Variants in CDC42SE2 observed in about 807,000 individuals in gnomAD.
CDC42SE2 encodes CDC42 small effector 2.
Under a neutral mutation model 11.5 loss-of-function variants are expected in CDC42SE2, and 3 were observed. That is an observed-to-expected ratio of 0.26 (90% CI 0.12 to 0.67). CDC42SE2 has a LOEUF of 0.67. Among genes scored for constraint, CDC42SE2 ranks in the 30% least tolerant of loss-of-function variants. The pLI, the probability that CDC42SE2 is intolerant of heterozygous loss-of-function variation, is 0.80. For missense variants in CDC42SE2, 82 were observed against 106.8 expected (o/e 0.77, Z 1.02); for synonymous variants, 33 against 34.8 (o/e 0.95, Z 0.18).
chr5:131,377,760 A>G (rs902070360), intron 3 of CDC42SE2, among the ~76,000 whole-genome samples: 1 of 152,230 alleles, frequency 6.6e-6, no homozygotes, highest in Non-Finnish European at 1.5e-5. Flanking sequence ...AGCACACAGC[A>G]TTTCTATGAA....
At chr5:131,314,887 A>T (rs957471261) in intron 1 of CDC42SE2, among the ~76,000 whole-genome samples, 1 of 152,192 alleles carries the variant, frequency 6.6e-6, no homozygotes, top group Non-Finnish European at 1.5e-5. Context: ...AGCTACCATT[A>T]TTTAAGGTGT....
intron 1 of CDC42SE2, among the ~76,000 whole-genome samples, chr5:131,293,433 G>A (rs767280122): frequency 1.1e-4 from 17 of 152,144 alleles, no homozygotes; most frequent in Non-Finnish European, 2.1e-4. Flanking sequence ...TTAGCTGGAC[G>A]TGGTGGCGGG....
At chr5:131,212,465 G>T in the CDC42SE2 span, among the ~76,000 whole-genome samples, 1 of 152,008 alleles carries the variant, frequency 6.6e-6, no homozygotes, top group Non-Finnish European at 1.5e-5. Flanking sequence ...AAAGTCCCTG[G>T]AACCTTGCTG....
At chr5:131,338,275 G>A (rs115768790) in intron 2 of CDC42SE2, among the ~76,000 whole-genome samples, 28 of 152,232 alleles carry the variant, frequency 1.8e-4, no homozygotes, top group African/African-American at 6.3e-4. Flanking sequence ...CAAACCCTTC[G>A]TAGCATGTCA....
intron 2 of CDC42SE2, among the ~76,000 whole-genome samples, chr5:131,324,757 T>C (rs1442461458): frequency 6.6e-6 from 1 of 152,158 alleles, no homozygotes; most frequent in Admixed American, 6.5e-5. Context: ...TCTCCTTTAG[T>C]ATAAAAAAAT....
the CDC42SE2 span, among the ~76,000 whole-genome samples, chr5:131,224,905 A>G: frequency 6.6e-6 from 1 of 151,870 alleles, no homozygotes; most frequent in Non-Finnish European, 1.5e-5. Context: ...GAGTGAAGGC[A>G]TCAGGCCAGC....
chr5:131,335,636 A>G (rs1263156520), intron 2 of CDC42SE2, among the ~76,000 whole-genome samples: 1 of 152,166 alleles, frequency 6.6e-6, no homozygotes, highest in Non-Finnish European at 1.5e-5. Flanking sequence ...GACTTGCTTT[A>G]TGAATCTGGG....
chr5:131,293,508 G>C lies in CDC42SE2; in HGVS notation c.-454-22468G>C, dbSNP rs1757506013. Among the ~76,000 whole-genome samples, 3 of 150,902 alleles carry C rather than the reference G, an allele frequency of 2.0e-5. No homozygotes were observed. The South Asian group carries it at 6.3e-4, about 31-fold the overall frequency. On this transcript the variant is annotated intron_variant, in intron 1 of 4. Transcript: ENST00000505065. ...AATCGCTTGAACCCGGGAGGCGGAG[G>C]TTGCAGTGAGTGGAGATCAGGCCAC...
At chr5:131,277,359 T>G (rs1046381139) in intron 1 of CDC42SE2, among the ~76,000 whole-genome samples, 2 of 152,210 alleles carry the variant, frequency 1.3e-5, no homozygotes, top group Non-Finnish European at 2.9e-5. Flanking sequence ...ATCAAAGTGG[T>G]CATATTGAGA....
chr5:131,323,559 T>G (rs1448665955), intron 2 of CDC42SE2, among the ~76,000 whole-genome samples: 1 of 138,672 alleles, frequency 7.2e-6, no homozygotes, highest in African/African-American at 2.9e-5. Context: ...TTTTTTTTTT[T>G]TTTTTTTTTT....
At chr5:131,307,492 G>C (rs1355598423) in intron 1 of CDC42SE2, among the ~76,000 whole-genome samples, 1 of 152,070 alleles carries the variant, frequency 6.6e-6, no homozygotes, top group African/African-American at 2.4e-5. Context: ...TTGGTTCCAA[G>C]TCTTTGCTAT....
chr5:131,249,184 T>G (rs1205443786), intron 1 of CDC42SE2, among the ~76,000 whole-genome samples: 1 of 151,752 alleles, frequency 6.6e-6, no homozygotes, highest in East Asian at 1.9e-4. Context: ...CGCCTGGCTG[T>G]TTTTTGTATT....
At chr5:131,242,471 G>T (rs905871890), upstream of CDC42SE2, among the ~76,000 whole-genome samples, 18 of 151,886 alleles carry the variant, frequency 1.2e-4, no homozygotes, top group African/African-American at 4.1e-4. Context: ...TTGCAAGAAG[G>T]TTATCCATTT....
upstream of CDC42SE2, among the ~76,000 whole-genome samples, chr5:131,263,501 G>C (rs1358767545): frequency 6.6e-6 from 1 of 152,200 alleles, no homozygotes; most frequent in Non-Finnish European, 1.5e-5. Flanking sequence ...AAACCAGGTG[G>C]TTTAGCCAGC....
rs1395132219 is a variant in CDC42SE2 at position 131,385,255 on chromosome 5, GT to G, written c.55-282del. ...CTGAGGGTAATTTTACATTTGTCTC[GT>G]TTTTTAAAAAGAATAAAACTTAAGC... On this transcript the variant is annotated intron_variant, in intron 3 of 4. Coordinates refer to ENST00000505065, the MANE Select transcript of CDC42SE2 (RefSeq NM_001375635.1). Among the ~76,000 whole-genome samples, 3 of 152,252 alleles carry G rather than the reference GT, an allele frequency of 2.0e-5. No homozygotes were observed. The East Asian group carries it at 5.8e-4, about 29-fold the overall frequency.
intron 1 of CDC42SE2, among the ~76,000 whole-genome samples, chr5:131,270,129 C>A (rs1756962284): frequency 6.6e-6 from 1 of 150,788 alleles, no homozygotes. Flanking sequence ...AATCCCAGCA[C>A]TTTGGGAGGC....
At chr5:131,257,578 A>G (rs1756688329) in intron 2 of CDC42SE2, among the ~76,000 whole-genome samples, 1 of 151,668 alleles carries the variant, frequency 6.6e-6, no homozygotes, top group Admixed American at 6.6e-5. Context: ...CCCAGGTTCA[A>G]GCGATTCTCC....
intron 1 of CDC42SE2, among the ~76,000 whole-genome samples, chr5:131,301,629 G>A (rs1757684779): frequency 1.3e-5 from 2 of 151,710 alleles, no homozygotes; most frequent in African/African-American, 2.4e-5. Flanking sequence ...GTGGTGGCGC[G>A]TGCCTGTAAT....
At chr5:131,336,960 T>C (rs1758581108) in intron 2 of CDC42SE2, among the ~76,000 whole-genome samples, 1 of 152,234 alleles carries the variant, frequency 6.6e-6, no homozygotes, top group Admixed American at 6.5e-5. Context: ...GAAGCCTTCC[T>C]CTGTCAGCTC....
Sources: allele counts gnomAD v4.1 joint callset (sites outside exome capture counted in the v4.1 genomes callset), GRCh38; gene constraint gnomAD v4.1.1; transcripts MANE v1.5; gene names NCBI Gene and HGNC (gene_info 2026-07-23, HGNC 2026-07-21).